COPG2: variants seen among roughly 807,000 people sequenced by gnomAD.
COPG2 encodes coat protein complex I subunit gamma 2.
In COPG2, 37 loss-of-function variants were observed where a neutral mutation model predicts 46.3. The observed-to-expected ratio is 0.80, with a 90% CI of 0.61 to 1.05. The LOEUF is 1.05. Among genes scored for constraint, COPG2 ranks in the 50% least tolerant of loss-of-function variants. The pLI is 0.00. For missense variants in COPG2, 427 were observed against 387.8 expected (o/e 1.10, Z -0.85); for synonymous variants, 159 against 129.7 (o/e 1.23, Z -1.53).
intron 20 of COPG2, chr7:130,510,845 GA>G: frequency 2.0e-6 from 1 of 502,358 alleles, no homozygotes; most frequent in Non-Finnish European, 4.0e-6. Context: ...GAGGAGGCAA[GA>G]TGCGGGGGCC....
intron 5 of COPG2, among the ~76,000 whole-genome samples, chr7:130,640,930 T>C (rs531649857): frequency 1.3e-5 from 2 of 152,168 alleles, no homozygotes; most frequent in Non-Finnish European, 2.9e-5. Flanking sequence ...TACAAAGTTA[T>C]ATGTGTTTCT....
intron 9 of COPG2, among the ~76,000 whole-genome samples, chr7:130,577,812 C>G (rs558160355): frequency 1.3e-3 from 192 of 151,376 alleles, no homozygotes; most frequent in Non-Finnish European, 4.9e-4. Context: ...CAGCCCACCA[C>G]GAGATTACAT....
chr7:130,668,738 G>A lies in COPG2; in HGVS notation c.-70C>T, dbSNP rs782377675. Reference sequence around the variant, plus strand: ...GCGCCGCAGCCGGCGAGCGGAAGAGGCTGCAGGAAGGCCGGCCCCGCGCTC... The same window carrying A: ...GCGCCGCAGCCGGCGAGCGGAAGAGACTGCAGGAAGGCCGGCCCCGCGCTC... On this transcript the variant is annotated 5_prime_UTR_variant, in exon 1 of 24. Transcript: ENST00000425248. The A allele has an allele frequency of 6.8e-7, 1 of 1,480,820 alleles. No homozygotes were observed. The highest frequency in any genetic ancestry group is 9.0e-7 in the Non-Finnish European group (1 of 1,107,802). The allele number at this position is 1,480,820 out of a possible 1,614,324, so 91.7% of individuals were successfully genotyped here.
intron 20 of COPG2, among the ~76,000 whole-genome samples, chr7:130,545,878 G>T (rs1046374806): frequency 8.6e-5 from 13 of 151,870 alleles, no homozygotes; most frequent in African/African-American, 2.4e-4. Flanking sequence ...GTTGTTGTTG[G>T]TTTTTTCCTA....
chr7:130,606,613 C>T (rs1794737654), intron 9 of COPG2, among the ~76,000 whole-genome samples: 1 of 152,096 alleles, frequency 6.6e-6, no homozygotes, highest in African/African-American at 2.4e-5. Context: ...AGGAAAATTC[C>T]AAAAATGAAG....
At chr7:130,562,418 T>A (rs976401666) in intron 11 of COPG2, among the ~76,000 whole-genome samples, 1 of 152,236 alleles carries the variant, frequency 6.6e-6, no homozygotes, top group African/African-American at 2.4e-5. Flanking sequence ...GTTTCTTCCA[T>A]GGCTGCTCTA....
chr7:130,600,083 A>C (rs1794606431), intron 9 of COPG2, among the ~76,000 whole-genome samples: 1 of 152,176 alleles, frequency 6.6e-6, no homozygotes, highest in East Asian at 1.9e-4. Context: ...TCAGTTTCTG[A>C]GACAGTTGTG....
At chr7:130,537,749 T>C (rs1228641430) in intron 20 of COPG2, among the ~76,000 whole-genome samples, 2 of 152,162 alleles carry the variant, frequency 1.3e-5, no homozygotes, top group Admixed American at 6.5e-5. Flanking sequence ...GGTGTGAACG[T>C]AGAGAATCCT....
At chr7:130,651,143 C>T (rs939761795) in intron 5 of COPG2, among the ~76,000 whole-genome samples, 1 of 152,060 alleles carries the variant, frequency 6.6e-6, no homozygotes, top group Non-Finnish European at 1.5e-5. Context: ...ATTAAAAAGG[C>T]AACTATTTTA....
At chr7:130,662,943 TA>T (rs1476398023) in intron 4 of COPG2, 23 bp downstream of exon 4, 24 of 1,431,036 alleles carry the variant, frequency 1.7e-5, no homozygotes, top group Middle Eastern at 1.7e-4. Context: ...TTTTTCATCG[TA>T]AAAAAAATTT....
intron 5 of COPG2, among the ~76,000 whole-genome samples, chr7:130,643,720 G>A (rs1425224266): frequency 6.6e-6 from 1 of 152,182 alleles, no homozygotes; most frequent in Non-Finnish European, 1.5e-5. Context: ...CACTTTGGGA[G>A]GCCAAGGCAT....
chr7:130,523,650 G>C (rs1799747213), intron 20 of COPG2, among the ~76,000 whole-genome samples: 1 of 152,156 alleles, frequency 6.6e-6, no homozygotes, highest in African/African-American at 2.4e-5. Flanking sequence ...TGCAGCTGGG[G>C]TTTCCAACGC....
At chr7:130,629,270 T>C (rs1179631542) in intron 5 of COPG2, among the ~76,000 whole-genome samples, 4 of 152,114 alleles carry the variant, frequency 2.6e-5, no homozygotes, top group African/African-American at 9.7e-5. Flanking sequence ...ATGTGTCCCA[T>C]GTGGTGTTCT....
chr7:130,603,930 C>T lies in COPG2; in HGVS notation c.737+7023G>A, dbSNP rs572352716. The T allele has an allele frequency of 3.7e-5, 18 of 482,230 alleles. No homozygotes were observed. In the East Asian group the frequency reaches 8.7e-4, roughly 23 times the overall value. The allele number at this position is 482,230 out of a possible 1,614,324, so 29.9% of individuals were successfully genotyped here. A position where few individuals can be genotyped will look rare whatever the true frequency, so the allele number is the denominator to read the frequency against. On this transcript the variant is annotated intron_variant, in intron 9 of 23. Transcript: ENST00000425248. ...TGATAACAAAAATAGTTCATTAACACGTTTTATGTTATATGTAATATATAT... is the reference window on the plus strand; with the variant it reads ...TGATAACAAAAATAGTTCATTAACATGTTTTATGTTATATGTAATATATAT...
At position 130,611,029 on chromosome 7, in the gene COPG2, A is replaced by G. The variant is rs1554451998; in HGVS notation, c.661T>C (p.Ser221Pro). 6.2e-7 allele frequency: 1 copy of G among 1,613,962 alleles called. No individual in the cohort carries two copies. The part of the protein sequence containing the change: ...VSKMLNKFTK[S>P]GLKSQFAYCM... Reference sequence around the variant, plus strand: ...TAAGCAAACTGTGACTTGAGACCAGATTTAGTAAACTTATTCAACATCTTG... The same window carrying G: ...TAAGCAAACTGTGACTTGAGACCAGGTTTAGTAAACTTATTCAACATCTTG... Residue 221 changes from serine (S) to proline (P), a missense_variant, in exon 9 of 24, where the codon TCT (serine) becomes CCT (proline). Coordinates refer to ENST00000425248, the MANE Select transcript of COPG2 (RefSeq NM_012133.6).
At chr7:130,638,978 G>C (rs1307856948) in intron 5 of COPG2, among the ~76,000 whole-genome samples, 1 of 152,176 alleles carries the variant, frequency 6.6e-6, no homozygotes, top group Non-Finnish European at 1.5e-5. Flanking sequence ...CTTGGCTAGG[G>C]GAGGGAGTTC....
intron 20 of COPG2, among the ~76,000 whole-genome samples, chr7:130,535,104 C>T (rs1354351622): frequency 6.6e-6 from 1 of 152,090 alleles, no homozygotes; most frequent in Non-Finnish European, 1.5e-5. Context: ...GTGAGGAGAG[C>T]AGGTCAAAGT....
chr7:130,608,728 C>A (rs1209495568), intron 9 of COPG2, among the ~76,000 whole-genome samples: 2 of 151,870 alleles, frequency 1.3e-5, no homozygotes, highest in African/African-American at 4.8e-5. Flanking sequence ...TAAAAAAAGG[C>A]GACTTTCAAG....
chr7:130,530,978 G>A lies in COPG2; in HGVS notation c.2149+16696C>T, dbSNP rs981648668. Reference sequence around the variant, plus strand: ...CAGCAATAGACAGGAAGGAATGGCTGTTTTTAAAGCCTTGAACTTTGTTGC... The same window carrying A: ...CAGCAATAGACAGGAAGGAATGGCTATTTTTAAAGCCTTGAACTTTGTTGC... On this transcript the variant is annotated intron_variant, in intron 20 of 23. Transcript: ENST00000425248. Among the ~76,000 whole-genome samples the A allele has an allele frequency of 1.2e-3, 174 of 143,450 alleles. 2 individuals are homozygous for A. The highest frequency in any genetic ancestry group is 4.0e-3 in the African/African-American group (158 of 39,442). 94.1% of individuals were successfully genotyped at this position (143,450 alleles called of 152,430 possible).
Sources: gnomAD v4.1 joint callset for allele counts (sites outside exome capture counted in the v4.1 genomes callset) on GRCh38, gnomAD v4.1.1 for gene constraint, MANE v1.5 for transcripts, NCBI Gene and HGNC (gene_info 2026-07-23, HGNC 2026-07-21) for gene names.